Variants in ARAP2 observed in about 807,000 individuals in gnomAD.
ARAP2 encodes ArfGAP with RhoGAP domain, ankyrin repeat and PH domain 2, also known as arf-GAP with Rho-GAP domain, ANK repeat and PH domain-containing protein 2.
A neutral mutation model predicts 194.5 loss-of-function variants in ARAP2; 148 were observed. That is an observed-to-expected ratio of 0.76 (90% CI 0.67 to 0.87). ARAP2 has a LOEUF of 0.87. ARAP2 is among the 40% of genes least tolerant of loss of function. ARAP2 has a pLI of 0.00. For missense variants in ARAP2, 2,128 were observed against 1,989.7 expected (o/e 1.07, Z -1.32); for synonymous variants, 695 against 683.5 (o/e 1.02, Z -0.26).
chr4:36,067,605 A>G lies in ARAP2; in HGVS notation c.*302T>C. 1 of 225,058 alleles carries G rather than the reference A, an allele frequency of 4.4e-6. No individual in the cohort carries two copies. The highest frequency in any genetic ancestry group is 8.7e-6 in the Non-Finnish European group (1 of 114,754). 13.9% of individuals were successfully genotyped at this position (225,058 alleles called of 1,614,324 possible). A position where few individuals can be genotyped will look rare whatever the true frequency, so the allele number is the denominator to read the frequency against. On this transcript the variant is annotated 3_prime_UTR_variant, in exon 33 of 33. Transcript: ENST00000303965. ...GTACAGTTTGAGATTTCTGCTCATAAATTATACCACTTAACAGACAACTAC... is the reference window on the plus strand; with the variant it reads ...GTACAGTTTGAGATTTCTGCTCATAGATTATACCACTTAACAGACAACTAC...
chr4:36,226,202 A>G (rs1030059000), intron 2 of ARAP2, among the ~76,000 whole-genome samples: 3 of 152,192 alleles, frequency 2.0e-5, no homozygotes, highest in Non-Finnish European at 4.4e-5. Context: ...ATTATTTACT[A>G]CTAATTTTAA....
At chr4:36,132,623 T>C (rs1276376665) in intron 20 of ARAP2, among the ~76,000 whole-genome samples, 3 of 151,772 alleles carry the variant, frequency 2.0e-5, no homozygotes, top group African/African-American at 7.2e-5. Context: ...ATATCTAAAA[T>C]ACTAACATAG....
At chr4:36,017,563 G>GGAAAAAAAAAA (rs1560270898) in intron 6 of ARAP2, among the ~76,000 whole-genome samples, 2 of 6,520 alleles carry the variant, frequency 3.1e-4, no homozygotes, top group African/African-American at 1.5e-3. Flanking sequence ...TAAGAAAGTG[G>GGAAAAAAAAAA]TAAAAAAAAA....
At chr4:36,126,833 C>T (rs1016896333) in intron 21 of ARAP2, among the ~76,000 whole-genome samples, 5 of 151,866 alleles carry the variant, frequency 3.3e-5, no homozygotes, top group South Asian at 4.1e-4. Flanking sequence ...ATATATTTGT[C>T]GCTGTTGTTG....
chr4:36,026,954 A>G (rs115521047), intron 5 of ARAP2, among the ~76,000 whole-genome samples: 3,028 of 152,330 alleles, frequency 0.02, 45 homozygotes, highest in South Asian at 0.038. Flanking sequence ...AGTTTTCTAC[A>G]AGGCAGGTCA....
chr4:36,073,210 G>T (rs892446077), intron 32 of ARAP2, among the ~76,000 whole-genome samples: 11 of 152,086 alleles, frequency 7.2e-5, no homozygotes, highest in Non-Finnish European at 1.5e-4. Flanking sequence ...CATGAAAGAT[G>T]CCAAATCTTC....
At chr4:36,014,324 GAGAAAGAAAGAA>G (rs1181898359) in intron 8 of ARAP2, among the ~76,000 whole-genome samples, 8,619 of 109,532 alleles carry the variant, frequency 0.079, 417 homozygotes, top group Middle Eastern at 0.17. Context: ...GAAAGAAAGA[GAGAAAGAAAGAA>G]AGAAAGAAAG....
At chr4:36,054,087 C>G (rs564371963) in intron 2 of ARAP2, among the ~76,000 whole-genome samples, 14 of 152,288 alleles carry the variant, frequency 9.2e-5, no homozygotes, top group South Asian at 2.1e-4. Flanking sequence ...ATTAGGCATG[C>G]CTTTCACACC....
intron 6 of ARAP2, among the ~76,000 whole-genome samples, chr4:36,209,018 A>C (rs1468489439): frequency 1.3e-5 from 2 of 152,136 alleles, no homozygotes; most frequent in Admixed American, 6.6e-5. Context: ...ACAATAGTGA[A>C]ACTTTCTGAA....
chr4:36,241,624 A>G (rs999108913), intron 1 of ARAP2, among the ~76,000 whole-genome samples: 7 of 152,208 alleles, frequency 4.6e-5, no homozygotes, highest in Non-Finnish European at 8.8e-5. Flanking sequence ...TATATGAACA[A>G]TCAGTTCATT....
intron 3 of ARAP2, among the ~76,000 whole-genome samples, chr4:36,213,780 G>A (rs2109283380): frequency 6.6e-6 from 1 of 152,144 alleles, no homozygotes; most frequent in East Asian, 1.9e-4. Context: ...TAAAATCCCA[G>A]AAGGCATTTA....
downstream of ARAP2, among the ~76,000 whole-genome samples, chr4:36,063,684 T>C (rs1577704755): frequency 6.6e-6 from 1 of 152,188 alleles, no homozygotes; most frequent in East Asian, 1.9e-4. Context: ...CTTCTTGGTT[T>C]GCTGGCTTTC....
chr4:36,059,532 T>C lies in ARAP2; in HGVS notation n.148-1389A>G, dbSNP rs149920288. On this transcript the variant is annotated intron_variant and non_coding_transcript_variant, in intron 1 of 12. Coordinates refer to the ARAP2 transcript ENST00000503225. ...AAAGCTTTAGATATATTTGAGATGC[T>C]AGTTGTACATTCAAGTGGAAATGTA... Among the ~76,000 whole-genome samples the C allele has an allele frequency of 1.2e-3, 185 of 152,318 alleles. 3 individuals are homozygous for C. The highest frequency in any genetic ancestry group is 9.1e-3 in the Admixed American group (140 of 15,304).
intron 9 of ARAP2, among the ~76,000 whole-genome samples, chr4:36,168,430 G>C (rs1031151450): frequency 2.0e-5 from 3 of 152,070 alleles, no homozygotes; most frequent in Admixed American, 6.6e-5. Context: ...AGTCTTAACC[G>C]CCTACACCAC....
In ARAP2 at chr4:36,160,433, G is replaced by A. The variant is rs182475582; in HGVS notation, c.2442+26C>T. On this transcript the variant is annotated intron_variant, in intron 13 of 32. Coordinates refer to ENST00000303965, the MANE Select transcript of ARAP2 (RefSeq NM_015230.4). ...TCATTAAAAAGACATTAAAATCCAC[G>A]TCTGCTGTTATGTTTAATTGAATAC... The A allele has an allele frequency of 8.8e-5, 131 of 1,486,978 alleles. No individual in the cohort carries two copies. The Admixed American group carries it at 9.1e-4, about 10-fold the overall frequency. 92.1% of individuals were successfully genotyped at this position (1,486,978 alleles called of 1,614,324 possible).
intron 13 of ARAP2, chr4:36,159,818 C>T (rs745777331): frequency 5.6e-4 from 101 of 181,154 alleles, no homozygotes; most frequent in Non-Finnish European, 8.6e-4. Context: ...ATGACTGATG[C>T]GCAGAGAATC....
At chr4:36,076,657 C>T (rs968740775) in intron 31 of ARAP2, among the ~76,000 whole-genome samples, 2 of 151,968 alleles carry the variant, frequency 1.3e-5, no homozygotes, top group African/African-American at 2.4e-5. Flanking sequence ...CTCTCCACCT[C>T]AAACCTTCTC....
chr4:36,213,954 T>C (rs1747349290), intron 3 of ARAP2, among the ~76,000 whole-genome samples: 1 of 152,166 alleles, frequency 6.6e-6, no homozygotes, highest in South Asian at 2.1e-4. Flanking sequence ...ACCCAAGTGT[T>C]TGACATCTTA....
At chr4:36,031,667 T>G (rs1718973296) in intron 5 of ARAP2, among the ~76,000 whole-genome samples, 1 of 8,132 alleles carries the variant, frequency 1.2e-4, no homozygotes, top group African/African-American at 1.6e-4. Context: ...ATTTAAAATC[T>G]TTTTTTTTTT....
Sources: gnomAD v4.1 joint callset for allele counts (sites outside exome capture counted in the v4.1 genomes callset) on GRCh38, gnomAD v4.1.1 for gene constraint, MANE v1.5 for transcripts, NCBI Gene and HGNC (gene_info 2026-07-23, HGNC 2026-07-21) for gene names.